DMC1: variants seen among roughly 807,000 people sequenced by gnomAD.
DMC1 encodes the protein DNA meiotic recombinase 1.
Under a neutral mutation model 50.1 loss-of-function variants are expected in DMC1, and 27 were observed. The ratio of observed to expected loss-of-function variants is 0.54; its 90% CI spans 0.40 to 0.74. The LOEUF is 0.74. Ranked by LOEUF, DMC1 falls within the 30% of genes least tolerant of loss-of-function variation. The pLI, the probability that DMC1 is intolerant of heterozygous loss-of-function variation, is 0.00. For synonymous variants in DMC1, 148 were observed against 136.1 expected (o/e 1.09, Z -0.61); for missense variants, 295 against 420.2 (o/e 0.70, Z 2.60).
chr22:38,533,456 G>T (rs1349434634), intron 12 of DMC1, among the ~76,000 whole-genome samples: 1 of 146,708 alleles, frequency 6.8e-6, no homozygotes, highest in Non-Finnish European at 1.5e-5. Flanking sequence ...AACTGCGAAA[G>T]ATGAAGCAAA....
chr22:38,513,572 T>C, the DMC1 span, among the ~76,000 whole-genome samples: 1 of 152,062 alleles, frequency 6.6e-6, no homozygotes, highest in South Asian at 2.1e-4. Context: ...CTCTCTCTCT[T>C]TCTTTTTTCT....
chr22:38,522,743 T>C (rs75230939), intron 12 of DMC1, among the ~76,000 whole-genome samples: 1,620 of 152,286 alleles, frequency 0.011, 36 homozygotes, highest in African/African-American at 0.038. Context: ...TCCATTAAAG[T>C]GTTCATGATT....
intron 6 of DMC1, 107 bp downstream of exon 6, chr22:38,555,250 C>A: frequency 6.5e-6 from 5 of 765,698 alleles, no homozygotes; most frequent in Non-Finnish European, 2.2e-6. Context: ...AAAATACTTA[C>A]AATTTATTAT....
At chr22:38,547,004 G>C (rs2090350670) in intron 8 of DMC1, among the ~76,000 whole-genome samples, 1 of 152,114 alleles carries the variant, frequency 6.6e-6, no homozygotes, top group Non-Finnish European at 1.5e-5. Context: ...AAACCATAAT[G>C]AACAAAGAAA....
chr22:38,538,161 C>A, intron 11 of DMC1, 134 bp downstream of exon 11: 9 of 722,294 alleles, frequency 1.2e-5, no homozygotes, highest in South Asian at 5.1e-5. Context: ...AAAAAAAAAA[C>A]AAAGAGTTGT....
intron 12 of DMC1, among the ~76,000 whole-genome samples, chr22:38,534,723 T>C (rs866091023): frequency 8.7e-5 from 13 of 149,476 alleles, no homozygotes; most frequent in South Asian, 8.5e-4. Flanking sequence ...CAAACACGAC[T>C]GAGTGCGGTG....
At chr22:38,556,969 G>T (rs540658270) in intron 5 of DMC1, among the ~76,000 whole-genome samples, 1 of 152,160 alleles carries the variant, frequency 6.6e-6, no homozygotes, top group African/African-American at 2.4e-5. Flanking sequence ...TGGGCTAAGC[G>T]ATCAACCCAT....
chr22:38,570,145 A>G lies in DMC1; in HGVS notation c.-136T>C, dbSNP rs1181211816. The G allele has an allele frequency of 6.6e-6, 1 of 151,876 alleles. No individual in the cohort carries two copies. Among genetic ancestry groups the G allele is most frequent in the Non-Finnish European group, 1.5e-5 (1 of 68,072 alleles). The allele number at this position is 151,876 out of a possible 1,614,324, so 9.4% of individuals were successfully genotyped here. On this transcript the variant is annotated 5_prime_UTR_variant, in exon 1 of 14. Coordinates refer to ENST00000216024, the MANE Select transcript of DMC1 (RefSeq NM_007068.4). ...ATTCTAACTCGGGCCTAGAACACGG[A>G]GCCTGGAGACCCGCGCGCCGTTGAC...
the DMC1 span, among the ~76,000 whole-genome samples, chr22:38,512,318 G>C: frequency 6.6e-6 from 1 of 152,022 alleles, no homozygotes; most frequent in Admixed American, 6.6e-5. Context: ...TCTGACTAGA[G>C]CTCCAGCTGC....
At chr22:38,553,780 G>A (rs1228489995) in intron 6 of DMC1, among the ~76,000 whole-genome samples, 3 of 151,594 alleles carry the variant, frequency 2.0e-5, no homozygotes, top group African/African-American at 4.9e-5. Flanking sequence ...GCAACATGGT[G>A]AAATGCCATC....
At chr22:38,551,056 C>T (rs1312378717) in intron 7 of DMC1, among the ~76,000 whole-genome samples, 1 of 150,370 alleles carries the variant, frequency 6.7e-6, no homozygotes, top group East Asian at 2.0e-4. Context: ...GCCTCATCAA[C>T]ATGGTGAAAC....
intron 12 of DMC1, among the ~76,000 whole-genome samples, chr22:38,523,692 C>T (rs1027350792): frequency 5.3e-5 from 8 of 151,596 alleles, no homozygotes; most frequent in Non-Finnish European, 8.8e-5. Context: ...CGCTTGAACT[C>T]GGAAGGCGGA....
At chr22:38,566,792 C>G in intron 3 of DMC1, 56 bp from the exon 4 acceptor site, 3 of 1,545,790 alleles carry the variant, frequency 1.9e-6, no homozygotes, top group Non-Finnish European at 2.7e-6. Context: ...TGCAAGGCTC[C>G]CATACTATGT....
intron 5 of DMC1, among the ~76,000 whole-genome samples, chr22:38,560,035 A>G (rs1335694312): frequency 1.3e-5 from 2 of 152,082 alleles, no homozygotes; most frequent in African/African-American, 4.8e-5. Context: ...AAATAAATAA[A>G]TAAAATAAAA....
At chr22:38,564,908 G>A (rs16999093) in intron 4 of DMC1, among the ~76,000 whole-genome samples, 1,565 of 152,184 alleles carry the variant, frequency 0.01, 35 homozygotes, top group African/African-American at 0.036. Context: ...GATTCAGTTC[G>A]GTTGAGTCCC....
chr22:38,566,593 T>A lies in DMC1; in HGVS notation c.240A>T (p.Leu80=), dbSNP rs779739803. The A allele has an allele frequency of 3.7e-6, 6 of 1,614,160 alleles. No individual in the cohort carries two copies. Among genetic ancestry groups the A allele is most frequent in the Non-Finnish European group, 5.1e-6 (6 of 1,180,006 alleles). Residue 80 remains leucine (L), a synonymous_variant, in exon 4 of 14, where the codon CTA becomes CTT. Transcript: ENST00000216024. ...VDKIKEAANK[L]IEPGFLTAFE... ...GCAAAGAATGGATTTTGCTTACAATTAGTTTGTTCGCTGCCTCTTTAATCT... is the reference window on the plus strand; with the variant it reads ...GCAAAGAATGGATTTTGCTTACAATAAGTTTGTTCGCTGCCTCTTTAATCT...
At chr22:38,555,141 T>G (rs2090455965) in intron 6 of DMC1, among the ~76,000 whole-genome samples, 2 of 152,020 alleles carry the variant, frequency 1.3e-5, no homozygotes, top group Admixed American at 1.3e-4. Context: ...AAATAAAAGA[T>G]GAAAAGTGTT....
At chr22:38,555,732 A>G (rs1317670336) in intron 5 of DMC1, among the ~76,000 whole-genome samples, 1 of 152,074 alleles carries the variant, frequency 6.6e-6, no homozygotes, top group African/African-American at 2.4e-5. Context: ...AATTATTTTA[A>G]GAAAAAACTT....
chr22:38,540,524 A>G (rs1457590889), intron 8 of DMC1, among the ~76,000 whole-genome samples: 2 of 152,220 alleles, frequency 1.3e-5, no homozygotes, highest in African/African-American at 4.8e-5. Context: ...ATGAGGTAAA[A>G]TTAAATGCAT....
Sources: allele counts gnomAD v4.1 joint callset (sites outside exome capture counted in the v4.1 genomes callset), GRCh38; gene constraint gnomAD v4.1.1; transcripts MANE v1.5; gene names NCBI Gene and HGNC (gene_info 2026-07-23, HGNC 2026-07-21).